The following ARL13B variants were observed in gnomAD, a reference collection of about 807,000 sequenced individuals.
ARL13B encodes ARF like GTPase 13B, also known as ADP-ribosylation factor-like protein 13B.
A neutral mutation model predicts 56.1 loss-of-function variants in ARL13B; 36 were observed. The ratio of observed to expected loss-of-function variants is 0.64; its 90% CI spans 0.49 to 0.85. The LOEUF (loss-of-function observed/expected upper bound fraction) is 0.85, where lower values mean the gene tolerates loss of function less well. Ranked by LOEUF, ARL13B falls within the 40% of genes least tolerant of loss-of-function variation. The pLI, the probability that ARL13B is intolerant of heterozygous loss-of-function variation, is 0.00. For synonymous variants in ARL13B, 178 were observed against 171.1 expected, an observed-to-expected ratio of 1.04 and a Z score of -0.32; for missense variants, 519 against 507.1, an observed-to-expected ratio of 1.02 and a Z score of -0.23.
rs192005084 is a variant in ARL13B at position 94,032,765 on chromosome 3, G to A, written c.381-2566G>A. 5.2e-3 allele frequency among the ~76,000 whole-genome samples: 797 copies of A among 152,206 alleles called. 8 individuals are homozygous for A. The highest frequency in any genetic ancestry group is 8.3e-3 in the Non-Finnish European group (564 of 68,026). On this transcript the variant is annotated intron_variant, in intron 3 of 9. Coordinates refer to ENST00000394222, the MANE Select transcript of ARL13B (RefSeq NM_001174150.2). ...CCCGCCTCGGCCTCCCAAAGTGCTG[G>A]GATTACAGGCGTAAGCCACCGTGCC... is the stretch of plus-strand genomic sequence containing the variant.
At chr3:94,038,605 C>T (rs993523323) in intron 5 of ARL13B, among the ~76,000 whole-genome samples, 1 of 145,236 alleles carries the variant, frequency 6.9e-6, no homozygotes, top group African/African-American at 2.6e-5. Context: ...CGCACTGCAA[C>T]CTCCGTCTCC....
intron 3 of ARL13B, among the ~76,000 whole-genome samples, chr3:94,030,725 A>G (rs528473564): frequency 3.3e-5 from 5 of 152,280 alleles, no homozygotes; most frequent in African/African-American, 1.2e-4. Flanking sequence ...CGTAGAGACA[A>G]AGATACGTAA....
At chr3:93,985,384 G>A (rs552263085) in intron 1 of ARL13B, among the ~76,000 whole-genome samples, 4 of 152,198 alleles carry the variant, frequency 2.6e-5, no homozygotes, top group East Asian at 3.9e-4. Context: ...TATAATGATC[G>A]AATATGCAAG....
At chr3:94,049,025 A>G (rs1040972642) in intron 7 of ARL13B, among the ~76,000 whole-genome samples, 16 of 152,228 alleles carry the variant, frequency 1.1e-4, no homozygotes, top group African/African-American at 3.6e-4. Flanking sequence ...AGAAAAATCA[A>G]ATATACTGAG....
chr3:94,027,694 A>G (rs1171461246), intron 3 of ARL13B, among the ~76,000 whole-genome samples: 2 of 152,066 alleles, frequency 1.3e-5, no homozygotes, highest in Non-Finnish European at 2.9e-5. Context: ...TAACCTATCT[A>G]CATATGTTGT....
chr3:94,025,643 C>A (rs559993389), intron 3 of ARL13B, among the ~76,000 whole-genome samples: 114 of 152,246 alleles, frequency 7.5e-4, no homozygotes, highest in African/African-American at 2.7e-3. Context: ...GTGTCCTGAT[C>A]AATTATGGAT....
At chr3:94,050,560 G>A (rs1185942293) in intron 8 of ARL13B, among the ~76,000 whole-genome samples, 1 of 152,154 alleles carries the variant, frequency 6.6e-6, no homozygotes, top group Non-Finnish European at 1.5e-5. Flanking sequence ...ATGATAGCAT[G>A]AGTTTGTTTT....
chr3:94,053,387 G>A lies in ARL13B; in HGVS notation c.*124G>A. 1 of 864,416 alleles carries A rather than the reference G, an allele frequency of 1.2e-6. No homozygotes were observed. The highest frequency in any genetic ancestry group is 1.9e-6 in the Non-Finnish European group (1 of 526,600). 53.5% of individuals were successfully genotyped at this position (864,416 alleles called of 1,614,324 possible). ...AAGATAACCATAATAATTTTAGTGA[G>A]AAGATTAATACTCAAGGACCTGACT... On this transcript the variant is annotated 3_prime_UTR_variant, in exon 10 of 10. Transcript: ENST00000394222.
chr3:93,996,653 C>T (rs2075972103), intron 2 of ARL13B: 3 of 433,256 alleles, frequency 6.9e-6, no homozygotes, highest in South Asian at 3.3e-5. Context: ...GCTGGGATTA[C>T]AGGCATGAGC....
intron 3 of ARL13B, among the ~76,000 whole-genome samples, chr3:94,009,858 A>G (rs1255364052): frequency 6.6e-6 from 1 of 152,142 alleles, no homozygotes; most frequent in African/African-American, 2.4e-5. Flanking sequence ...TTCTCAGCCA[A>G]TTGATTTTGT....
At chr3:94,035,531 G>A in intron 4 of ARL13B, 95 bp downstream of exon 4, 2 of 831,626 alleles carry the variant, frequency 2.4e-6, no homozygotes, top group South Asian at 1.7e-5. Context: ...CAATTAAAAG[G>A]CAATGTTTTC....
intron 3 of ARL13B, among the ~76,000 whole-genome samples, chr3:94,015,748 G>T (rs1027340096): frequency 1.3e-5 from 2 of 152,226 alleles, no homozygotes; most frequent in African/African-American, 4.8e-5. Flanking sequence ...AACCATTGTA[G>T]TGACAGTACA....
intron 3 of ARL13B, among the ~76,000 whole-genome samples, chr3:94,017,178 T>C (rs1008517494): frequency 6.6e-6 from 1 of 152,138 alleles, no homozygotes; most frequent in African/African-American, 2.4e-5. Context: ...TGGAGACTCA[T>C]TGAAATAAAT....
chr3:94,015,945 T>A lies in ARL13B; in HGVS notation c.380+12037T>A, dbSNP rs573029005. ...CTTTTGCAAAGATATCCAGACTGTC[T>A]TAGAACAAAATTTATATCAATTTGT... On this transcript the variant is annotated intron_variant, in intron 3 of 9. Coordinates refer to ENST00000394222, the MANE Select transcript of ARL13B (RefSeq NM_001174150.2). Among the ~76,000 whole-genome samples, 3 of 152,268 alleles carry A rather than the reference T, an allele frequency of 2.0e-5. No individual in the cohort carries two copies. In the East Asian group the frequency reaches 5.8e-4, roughly 29 times the overall value.
rs762453394 is a variant in ARL13B at position 94,055,179 on chromosome 3, G to C, written c.*1916G>C. The C allele has an allele frequency of 8.3e-6, 3 of 363,192 alleles. No individual in the cohort carries two copies. The highest frequency in any genetic ancestry group is 6.6e-5 in the South Asian group (3 of 45,684). The allele number at this position is 363,192 out of a possible 1,614,324, so 22.5% of individuals were successfully genotyped here. ...TTTTAAAAAATGTTTTGTAAATCCA[G>C]GTGTATTTTAACAATTAAATGCCTA... On this transcript the variant is annotated 3_prime_UTR_variant, in exon 10 of 10. Transcript: ENST00000394222.
intron 3 of ARL13B, among the ~76,000 whole-genome samples, chr3:94,021,570 T>A (rs2076449707): frequency 6.6e-6 from 1 of 152,178 alleles, no homozygotes; most frequent in Non-Finnish European, 1.5e-5. Flanking sequence ...GGAAGTAATG[T>A]GGAAACTTTT....
rs1235941290 is a variant in ARL13B at position 94,054,149 on chromosome 3, G to GC, written c.*887dup. 4 of 453,062 alleles carry GC rather than the reference G, an allele frequency of 8.8e-6. No homozygotes were observed. The highest frequency in any genetic ancestry group is 2.0e-5 in the African/African-American group (1 of 49,952). 28.1% of individuals were successfully genotyped at this position (453,062 alleles called of 1,614,324 possible). A position where few individuals can be genotyped will look rare whatever the true frequency, so the allele number is the denominator to read the frequency against. On this transcript the variant is annotated 3_prime_UTR_variant, in exon 10 of 10. Coordinates refer to ENST00000394222, the MANE Select transcript of ARL13B (RefSeq NM_001174150.2). ...CCTATACTCCCTTGTTCCATCAGAA[G>GC]CTGCAGTGACTCTTTTAGGTGATTC...
chr3:94,053,316 C>T lies in ARL13B; in HGVS notation c.*53C>T, dbSNP rs2077096080. 1 of 1,484,716 alleles carries T rather than the reference C, an allele frequency of 6.7e-7. No individual in the cohort carries two copies. Among genetic ancestry groups the T allele is most frequent in the Non-Finnish European group, 9.4e-7 (1 of 1,065,116 alleles). 92.0% of individuals were successfully genotyped at this position (1,484,716 alleles called of 1,614,324 possible). On this transcript the variant is annotated 3_prime_UTR_variant, in exon 10 of 10. Transcript: ENST00000394222. ...TATCAGCAAGGTGAACTGGGACATTCTTCTTTCTCAGAAGAAGAAACATCT... is the reference window on the plus strand; with the variant it reads ...TATCAGCAAGGTGAACTGGGACATTTTTCTTTCTCAGAAGAAGAAACATCT...
chr3:94,008,370 A>G (rs79166382), intron 3 of ARL13B, among the ~76,000 whole-genome samples: 1 of 152,138 alleles, frequency 6.6e-6, no homozygotes, highest in African/African-American at 2.4e-5. Flanking sequence ...AATACAAACA[A>G]AAAACCTTCA....
Sources: gnomAD v4.1 joint callset for allele counts (sites outside exome capture counted in the v4.1 genomes callset) on GRCh38, gnomAD v4.1.1 for gene constraint, MANE v1.5 for transcripts, NCBI Gene and HGNC (gene_info 2026-07-23, HGNC 2026-07-21) for gene names.